SCG5: variants seen among roughly 807,000 people sequenced by gnomAD.
SCG5 encodes secretogranin V, also known as neuroendocrine protein 7B2.
Under a neutral mutation model 25.7 loss-of-function variants are expected in SCG5, and 18 were observed. The observed-to-expected ratio is 0.70, with a 90% CI of 0.48 to 1.04. SCG5 has a LOEUF of 1.04. Among genes scored for constraint, SCG5 ranks in the 50% least tolerant of loss-of-function variants. SCG5 has a pLI of 0.00. For synonymous variants in SCG5, 101 were observed against 91.7 expected (o/e 1.10, Z -0.58); for missense variants, 206 against 259.8 (o/e 0.79, Z 1.42).
chr15:32,692,405 C>T lies in SCG5; in HGVS notation c.543+642C>T, dbSNP rs561268149. 1.0e-4 allele frequency: 31 copies of T among 298,096 alleles called. 1 individual carries two copies. The South Asian group carries it at 2.2e-3, about 21-fold the overall frequency. The allele number at this position is 298,096 out of a possible 1,614,324, so 18.5% of individuals were successfully genotyped here. ...GGTCTAGATACTCCACATTTAGCTACTTCATATACAGTGTTGCCTCACGTA... is the reference window on the plus strand; with the variant it reads ...GGTCTAGATACTCCACATTTAGCTATTTCATATACAGTGTTGCCTCACGTA... On this transcript the variant is annotated intron_variant, in intron 5 of 5. Transcript: ENST00000300175.
intron 2 of SCG5, among the ~76,000 whole-genome samples, chr15:32,648,499 G>A (rs1452747349): frequency 6.6e-6 from 1 of 151,932 alleles, no homozygotes; most frequent in Non-Finnish European, 1.5e-5. Flanking sequence ...GCTTCCCATC[G>A]TACCCTGAAT....
intron 2 of SCG5, among the ~76,000 whole-genome samples, chr15:32,655,202 G>T (rs1251643278): frequency 1.3e-5 from 2 of 152,136 alleles, no homozygotes; most frequent in African/African-American, 4.8e-5. Flanking sequence ...CAGCTACTCA[G>T]GAGGCTGAGG....
intron 5 of SCG5, 177 bp downstream of exon 5, chr15:32,691,940 G>A (rs569133674): frequency 2.7e-5 from 39 of 1,450,840 alleles, no homozygotes; most frequent in South Asian, 7.5e-5. Context: ...TGGTTTCTGC[G>A]ATGGCTTCCC....
Position 32,682,789 on chromosome 15 carries a change from C to T in SCG5, c.377-1768C>T, listed in dbSNP as rs569237281. 1.4e-4 allele frequency among the ~76,000 whole-genome samples: 21 copies of T among 152,300 alleles called. No homozygotes were observed. In the South Asian group the frequency reaches 3.7e-3, roughly 27 times the overall value. ...ACAGTTGAGCAATCCAAGAATAAAA[C>T]CTTGATTTCTCCTTTCATGCCATGC... is the stretch of plus-strand genomic sequence containing the variant. On this transcript the variant is annotated intron_variant, in intron 3 of 5. Transcript: ENST00000300175.
In SCG5 at chr15:32,696,741, T is replaced by A; in HGVS notation, c.*132T>A. 1 of 588,438 alleles carries A rather than the reference T, an allele frequency of 1.7e-6. No individual in the cohort carries two copies. Among genetic ancestry groups the A allele is most frequent in the South Asian group, 2.3e-5 (1 of 43,532 alleles). 36.5% of individuals were successfully genotyped at this position (588,438 alleles called of 1,614,324 possible). On this transcript the variant is annotated 3_prime_UTR_variant, in exon 6 of 6. Transcript: ENST00000300175. Reference sequence around the variant, plus strand: ...TAATTATGGATACAAAGCAGCTGTATGTAGATAGTGTATTGTCTTCACACC... The same window carrying A: ...TAATTATGGATACAAAGCAGCTGTAAGTAGATAGTGTATTGTCTTCACACC...
intron 2 of SCG5, chr15:32,677,851 A>T (rs2054555847): frequency 6.6e-6 from 1 of 152,220 alleles, no homozygotes; most frequent in Non-Finnish European, 1.5e-5. Context: ...TCCAGAAATT[A>T]ACATACATTG....
At chr15:32,670,538 TTAAAC>T (rs1157303171) in intron 2 of SCG5, among the ~76,000 whole-genome samples, 1 of 152,270 alleles carries the variant, frequency 6.6e-6, no homozygotes, top group African/African-American at 2.4e-5. Flanking sequence ...TCTAAACAGC[TTAAAC>T]TAAATTCTGT....
chr15:32,692,040 C>G (rs2054868579), intron 5 of SCG5: 1 of 1,333,008 alleles, frequency 7.5e-7, no homozygotes, highest in South Asian at 2.1e-5. Flanking sequence ...ATTGCTTCCC[C>G]CATCAGTGTG....
chr15:32,671,494 T>G (rs1027974417), intron 2 of SCG5, among the ~76,000 whole-genome samples: 2 of 152,162 alleles, frequency 1.3e-5, no homozygotes, highest in African/African-American at 4.8e-5. Context: ...TAGGGGCCAA[T>G]CTGTTTCTCC....
At chr15:32,648,771 C>CCTTTT (rs2053987816) in intron 2 of SCG5, among the ~76,000 whole-genome samples, 1 of 111,528 alleles carries the variant, frequency 9.0e-6, no homozygotes, top group African/African-American at 3.9e-5. Context: ...TTGCAGTCTC[C>CCTTTT]TTTTTTTTTT....
intron 1 of SCG5, 138 bp from the exon 2 acceptor site, chr15:32,643,448 A>T (rs1480918234): frequency 6.0e-6 from 4 of 662,444 alleles, no homozygotes; most frequent in Admixed American, 2.7e-5. Flanking sequence ...GACAAAAGCA[A>T]CCTCCTAAGG....
At chr15:32,655,960 T>C (rs541829860) in intron 2 of SCG5, 2 of 152,362 alleles carry the variant, frequency 1.3e-5, no homozygotes, top group East Asian at 3.9e-4. Context: ...AGAGATTTTT[T>C]AGGGAAACAT....
At chr15:32,685,530 C>G (rs1163891722) in intron 4 of SCG5, among the ~76,000 whole-genome samples, 3 of 152,202 alleles carry the variant, frequency 2.0e-5, no homozygotes, top group Non-Finnish European at 4.4e-5. Context: ...TGTCTTAGCA[C>G]TACCCCACTC....
intron 2 of SCG5, among the ~76,000 whole-genome samples, chr15:32,675,991 T>C (rs907801839): frequency 1.8e-4 from 28 of 152,244 alleles, no homozygotes; most frequent in African/African-American, 6.5e-4. Context: ...ATTATTTTGT[T>C]TGACTTGGCT....
intron 2 of SCG5, among the ~76,000 whole-genome samples, chr15:32,663,187 C>G (rs1010909543): frequency 3.3e-5 from 5 of 149,994 alleles, no homozygotes; most frequent in Non-Finnish European, 5.9e-5. Flanking sequence ...CTATACAATT[C>G]AACAATTTAA....
intron 2 of SCG5, among the ~76,000 whole-genome samples, chr15:32,676,583 A>G (rs148785879): frequency 4.2e-4 from 64 of 152,356 alleles, no homozygotes; most frequent in African/African-American, 1.5e-3. Context: ...TGATATGTCT[A>G]ACCTTTGCAT....
intron 5 of SCG5, among the ~76,000 whole-genome samples, chr15:32,695,011 C>CTTTT (rs10718630): frequency 3.2e-5 from 4 of 123,642 alleles, no homozygotes; most frequent in African/African-American, 3.0e-5. Flanking sequence ...TTCTTTCTTT[C>CTTTT]TTTTTTTTTT....
intron 2 of SCG5, among the ~76,000 whole-genome samples, chr15:32,669,432 CCCG>C (rs2054379342): frequency 6.6e-6 from 1 of 152,152 alleles, no homozygotes; most frequent in East Asian, 1.9e-4. Context: ...AGTTCTATAT[CCCG>C]TTATTTTTTC....
At chr15:32,661,900 A>G (rs879353284) in intron 2 of SCG5, among the ~76,000 whole-genome samples, 7 of 152,176 alleles carry the variant, frequency 4.6e-5, no homozygotes, top group Non-Finnish European at 8.8e-5. Context: ...CACTTTCAGC[A>G]TTTGGCTATG....
Sources: allele counts gnomAD v4.1 joint callset (sites outside exome capture counted in the v4.1 genomes callset), GRCh38; gene constraint gnomAD v4.1.1; transcripts MANE v1.5; gene names NCBI Gene and HGNC (gene_info 2026-07-23, HGNC 2026-07-21).